SIPA1L2: variants seen among roughly 807,000 people sequenced by gnomAD.
The protein encoded by SIPA1L2 is signal-induced proliferation-associated 1-like protein 2.
Under a neutral mutation model 163.9 loss-of-function variants are expected in SIPA1L2, and 56 were observed. The ratio of observed to expected loss-of-function variants is 0.34; its 90% confidence interval spans 0.28 to 0.43. SIPA1L2 has a LOEUF of 0.43. Ranked by LOEUF, SIPA1L2 falls within the 20% of genes least tolerant of loss-of-function variation. The pLI is 1.00. For missense variants in SIPA1L2, 1,974 were observed against 2,193.5 expected (o/e 0.90, Z 2.00); for synonymous variants, 877 against 865.7 (o/e 1.01, Z -0.23).
chr1:232,605,873 C>T (rs1197133857), intron 1 of SIPA1L2, among the ~76,000 whole-genome samples: 1 of 152,208 alleles, frequency 6.6e-6, no homozygotes, highest in Non-Finnish European at 1.5e-5. Context: ...ACACATCACA[C>T]ATACGTGCAC....
chr1:232,421,803 G>A (rs1254615916), intron 18 of SIPA1L2, among the ~76,000 whole-genome samples: 1 of 152,044 alleles, frequency 6.6e-6, no homozygotes, highest in Non-Finnish European at 1.5e-5. Context: ...AACTTCAAGG[G>A]GCATTCTTTG....
rs34949132 is a variant in SIPA1L2, at chr1:232,428,350, CTTTTT to C, written c.4410+56_4410+60del. 1.2e-3 allele frequency: 1,042 copies of C among 837,220 alleles called. 2 individuals are homozygous for C. The highest frequency in any genetic ancestry group is 4.4e-3 in the Middle Eastern group (11 of 2,478). 51.9% of individuals were successfully genotyped at this position (837,220 alleles called of 1,614,324 possible). ...CTGGAAACCTCTGAGTTTCTTTAGACTTTTTTTTTTTTTTTTTTTTTAGTGTTTCT... is the reference window on the plus strand; with the variant it reads ...CTGGAAACCTCTGAGTTTCTTTAGACTTTTTTTTTTTTTTTTAGTGTTTCT... On this transcript the variant is annotated intron_variant, in intron 17 of 22. Transcript: ENST00000674635.
At chr1:232,624,383 A>G (rs1013738369) in intron 1 of SIPA1L2, among the ~76,000 whole-genome samples, 1 of 152,238 alleles carries the variant, frequency 6.6e-6, no homozygotes, top group Non-Finnish European at 1.5e-5. Flanking sequence ...GTGAATACCC[A>G]CTGTTCAACA....
intron 1 of SIPA1L2, among the ~76,000 whole-genome samples, chr1:232,628,125 T>C (rs1442816740): frequency 1.3e-5 from 2 of 152,206 alleles, no homozygotes; most frequent in Non-Finnish European, 2.9e-5. Context: ...TAAAAGTGCT[T>C]AAAAACATAA....
At chr1:232,444,939 A>AT (rs1432967479) in intron 11 of SIPA1L2, among the ~76,000 whole-genome samples, 7 of 152,354 alleles carry the variant, frequency 4.6e-5, no homozygotes, top group African/African-American at 1.7e-4. Context: ...GAAATTTATT[A>AT]TTTTGTTTTG....
intron 19 of SIPA1L2, among the ~76,000 whole-genome samples, chr1:232,408,570 T>C (rs1660775578): frequency 6.6e-6 from 1 of 152,160 alleles, no homozygotes; most frequent in South Asian, 2.1e-4. Flanking sequence ...TATTGTATCA[T>C]TTTTCATATT....
intron 19 of SIPA1L2, among the ~76,000 whole-genome samples, chr1:232,411,836 AATT>A (rs1322371291): frequency 1.3e-5 from 2 of 152,184 alleles, no homozygotes; most frequent in African/African-American, 4.8e-5. Flanking sequence ...TTCCCAGCAT[AATT>A]ATTATTACAG....
intron 16 of SIPA1L2, among the ~76,000 whole-genome samples, chr1:232,429,795 C>T (rs1238855859): frequency 2.0e-5 from 3 of 152,136 alleles, no homozygotes; most frequent in East Asian, 1.9e-4. Flanking sequence ...ATCCAAGAAG[C>T]GCCCAACATT....
chr1:232,460,624 T>G (rs891109888), intron 10 of SIPA1L2, among the ~76,000 whole-genome samples: 1 of 152,124 alleles, frequency 6.6e-6, no homozygotes, highest in Admixed American at 6.5e-5. Context: ...TAGTTCAGAA[T>G]AGCTCAGCTT....
At chr1:232,486,864 C>T (rs952997436) in intron 5 of SIPA1L2, among the ~76,000 whole-genome samples, 1 of 152,214 alleles carries the variant, frequency 6.6e-6, no homozygotes, top group Non-Finnish European at 1.5e-5. Flanking sequence ...ACTTCTTCAG[C>T]TCCATCATAA....
intron 1 of SIPA1L2, among the ~76,000 whole-genome samples, chr1:232,578,368 C>T (rs1419112470): frequency 6.6e-6 from 1 of 151,678 alleles, no homozygotes; most frequent in Non-Finnish European, 1.5e-5. Flanking sequence ...AGGCAACGTG[C>T]GGAAGCCTAG....
intron 2 of SIPA1L2, among the ~76,000 whole-genome samples, chr1:232,517,522 A>T (rs181598078): frequency 1.3e-5 from 2 of 152,342 alleles, no homozygotes; most frequent in East Asian, 3.9e-4. Flanking sequence ...ACTATTAAAT[A>T]TTAAAACTAG....
At chr1:232,473,334 AAC>A (rs1455747855) in intron 7 of SIPA1L2, among the ~76,000 whole-genome samples, 4 of 152,380 alleles carry the variant, frequency 2.6e-5, no homozygotes, top group Non-Finnish European at 5.9e-5. Context: ...GTGCCCTTGA[AAC>A]ACAGGAATTC....
intron 22 of SIPA1L2, among the ~76,000 whole-genome samples, chr1:232,399,819 CA>C: frequency 6.6e-6 from 1 of 152,172 alleles, no homozygotes; most frequent in East Asian, 1.9e-4. Flanking sequence ...CAACATGTAG[CA>C]ATAAAAAAAT....
intron 1 of SIPA1L2, among the ~76,000 whole-genome samples, chr1:232,580,924 T>G (rs181772386): frequency 2.6e-5 from 4 of 152,294 alleles, no homozygotes; most frequent in African/African-American, 9.6e-5. Context: ...TCCTTTATTC[T>G]GCTACAACAC....
intron 2 of SIPA1L2, among the ~76,000 whole-genome samples, chr1:232,527,835 G>A (rs1203397724): frequency 1.4e-5 from 2 of 144,432 alleles, no homozygotes; most frequent in African/African-American, 2.6e-5. Flanking sequence ...GGACTCAAGC[G>A]ATCCTCCCAC....
intron 2 of SIPA1L2, among the ~76,000 whole-genome samples, chr1:232,528,208 C>T (rs1448975509): frequency 6.6e-6 from 1 of 150,856 alleles, no homozygotes; most frequent in African/African-American, 2.5e-5. Context: ...TTTACTATTC[C>T]CCAAACCCTT....
chr1:232,465,156 G>A lies in SIPA1L2; in HGVS notation c.2504C>T (p.Ala835Val), dbSNP rs142752379. Residue 835 changes from alanine (A) to valine (V), a missense_variant, in exon 9 of 23, where the codon GCG (alanine) becomes GTG (valine). Transcript: ENST00000674635. The surrounding 1 kb of genome is among the most constrained non-coding windows in gnomAD (Gnocchi z 4.1). The stretch of plus-strand genomic sequence containing the variant: ...TGGCTTTACCTTCTCCTTTTTCTTC[G>A]CACCCAGCGTAATGAAGCTGAACTT... ...SVKFSFITLG[A>V]KKKEKVKPRK... 72 of 1,614,056 alleles carry A rather than the reference G, an allele frequency of 4.5e-5. 2 individuals carry two copies. The highest frequency in any genetic ancestry group is 4.5e-4 in the East Asian group (20 of 44,880).
intron 1 of SIPA1L2, among the ~76,000 whole-genome samples, chr1:232,591,021 C>A (rs556199446): frequency 6.6e-6 from 1 of 152,206 alleles, no homozygotes; most frequent in Middle Eastern, 3.2e-3. Context: ...AATCAGAACA[C>A]GGCTGATTTC....
Sources: gnomAD v4.1 joint callset for allele counts (sites outside exome capture counted in the v4.1 genomes callset) on GRCh38, gnomAD v4.1.1 for gene constraint, Gnocchi (gnomAD v3.1) non-coding constraint, MANE v1.5 for transcripts, NCBI Gene and HGNC (gene_info 2026-07-23, HGNC 2026-07-21) for gene names.